CTLA4: variants seen among roughly 807,000 people sequenced by gnomAD.
CTLA4 encodes cytotoxic T-lymphocyte protein 4.
CTLA4 carries 3 observed loss-of-function variants against 20.4 expected under a neutral mutation model. The observed-to-expected ratio is 0.15, with a 90% CI of 0.07 to 0.38. The LOEUF is 0.38. Among genes scored for constraint, CTLA4 ranks in the 10% least tolerant of loss-of-function variants. The pLI is 1.00. For synonymous variants in CTLA4, 100 were observed against 105.2 expected, an observed-to-expected ratio of 0.95 and a Z score of 0.30; for missense variants, 184 against 276.8, an observed-to-expected ratio of 0.66 and a Z score of 2.38.
rs1326104443 is a variant in CTLA4, at chr2:203,872,286, A to T, written c.568-422A>T. Among the ~76,000 whole-genome samples the T allele has an allele frequency of 3.3e-5, 5 of 152,022 alleles. No homozygotes were observed. The East Asian group carries it at 9.6e-4, about 29-fold the overall frequency. On this transcript the variant is annotated intron_variant, in intron 3 of 3. Coordinates refer to ENST00000648405, the MANE Select transcript of CTLA4 (RefSeq NM_005214.5). ...ATACACAAAGATATACTCTATTCCA[A>T]CATCCTCTACCCAACCTGACAGAGA...
In CTLA4 at chr2:203,868,036, C is replaced by T. The variant is rs369567630; in HGVS notation, c.94C>T (p.Pro32Ser). The T allele has an allele frequency of 2.7e-5, 43 of 1,612,778 alleles. No homozygotes were observed. The highest frequency in any genetic ancestry group is 3.6e-5 in the Non-Finnish European group (43 of 1,178,850). ...CTLLFFLLFI[P>S]VFCKAMHVAQ... ...TCTCCTGTTTTTTCTTCTCTTCATC[C>T]CTGTCTTCTGCAAAGGTGAGTGAGA... Residue 32 changes from proline (P) to serine (S), a missense_variant, in exon 1 of 4, where the codon CCT (proline) becomes TCT (serine). Physicochemically the swap from Pro to Ser is moderately conservative, Grantham distance 74 (BLOSUM62 -1). Transcript: ENST00000648405.
At chr2:203,871,864 T>C (rs188456452) in intron 3 of CTLA4, among the ~76,000 whole-genome samples, 70 of 152,272 alleles carry the variant, frequency 4.6e-4, no homozygotes, top group African/African-American at 1.6e-3. Flanking sequence ...ACTTGGATGG[T>C]CTTTATTCTC....
chr2:203,873,300 G>C lies in CTLA4; in HGVS notation c.*488G>C, dbSNP rs1688766839. On this transcript the variant is annotated 3_prime_UTR_variant, in exon 4 of 4. Transcript: ENST00000648405. ...CTCACATGGCTATGTTTTAGCCAGTGATGCTAAAGGTTGTATTGCATATAT... is the reference window on the plus strand; with the variant it reads ...CTCACATGGCTATGTTTTAGCCAGTCATGCTAAAGGTTGTATTGCATATAT... 1 of 296,586 alleles carries C rather than the reference G, an allele frequency of 3.4e-6. No homozygotes were observed. The highest frequency in any genetic ancestry group is 5.9e-6 in the Non-Finnish European group (1 of 169,794). The allele number at this position is 296,586 out of a possible 1,614,324, so 18.4% of individuals were successfully genotyped here.
intron 3 of CTLA4, among the ~76,000 whole-genome samples, chr2:203,871,884 G>A (rs751989023): frequency 1.3e-5 from 2 of 152,152 alleles, no homozygotes; most frequent in African/African-American, 4.8e-5. Context: ...CCTTCTCCAT[G>A]TCCCTCTCCA....
At position 203,873,764 on chromosome 2, in the gene CTLA4, G is replaced by A. The variant is rs1688779759; in HGVS notation, c.*952G>A. On this transcript the variant is annotated 3_prime_UTR_variant, in exon 4 of 4. Transcript: ENST00000648405. Reference sequence around the variant, plus strand: ...ACCCACAGGTATGACCTTCTAGGAAGCTCCAGTTCGATGGGCCCAATTCTT... The same window carrying A: ...ACCCACAGGTATGACCTTCTAGGAAACTCCAGTTCGATGGGCCCAATTCTT... The A allele has an allele frequency of 4.4e-6, 1 of 225,858 alleles. No homozygotes were observed. Among genetic ancestry groups the A allele is most frequent in the South Asian group, 1.8e-4 (1 of 5,470 alleles). 14.0% of individuals were successfully genotyped at this position (225,858 alleles called of 1,614,324 possible). A position where few individuals can be genotyped will look rare whatever the true frequency, so the allele number is the denominator to read the frequency against.
intron 1 of CTLA4, among the ~76,000 whole-genome samples, chr2:203,869,930 C>T (rs1277641651): frequency 2.0e-5 from 3 of 152,122 alleles, no homozygotes; most frequent in African/African-American, 7.2e-5. Flanking sequence ...GAGGAAGCGA[C>T]CTGGTGCCCT....
At position 203,873,110 on chromosome 2, in the gene CTLA4, G is replaced by A; in HGVS notation, c.*298G>A. The stretch of plus-strand genomic sequence containing the variant: ...GGTCAAGGAATTAAGTTAGGGAATG[G>A]CACAGCCCAAAGAAGGAAAAGGCAG... On this transcript the variant is annotated 3_prime_UTR_variant, in exon 4 of 4. Coordinates refer to ENST00000648405, the MANE Select transcript of CTLA4 (RefSeq NM_005214.5). The A allele has an allele frequency of 1.9e-6, 1 of 522,140 alleles. No individual in the cohort carries two copies. The allele number at this position is 522,140 out of a possible 1,614,324, so 32.3% of individuals were successfully genotyped here.
Position 203,870,168 on chromosome 2 carries a change from A to G in CTLA4, c.110-418A>G. ...TACCACTCATTATAGTTCCGGAGCT[A>G]TATAGCTCCTATCATTCTATCATAA... On this transcript the variant is annotated intron_variant, in intron 1 of 3. Transcript: ENST00000648405. The surrounding 1 kb of genome is among the most constrained non-coding windows in gnomAD (Gnocchi z 5.3). 1 of 200,644 alleles carries G rather than the reference A, an allele frequency of 5.0e-6. No individual in the cohort carries two copies. The highest frequency in any genetic ancestry group is 1.0e-5 in the Non-Finnish European group (1 of 100,424). The allele number at this position is 200,644 out of a possible 1,614,324, so 12.4% of individuals were successfully genotyped here.
chr2:203,871,752 C>T (rs1688738174), intron 3 of CTLA4, among the ~76,000 whole-genome samples: 2 of 152,322 alleles, frequency 1.3e-5, no homozygotes, highest in African/African-American at 2.4e-5. Context: ...GTTGCAATAA[C>T]ATGGGGCAGC....
In CTLA4 at chr2:203,870,353, A is replaced by G; in HGVS notation, c.110-233A>G. ...TATCAGTGTTCTTCCTGCCACAACC[A>G]TCTTGAAGAATCTATTTCTCAGTAA... On this transcript the variant is annotated intron_variant, in intron 1 of 3. Transcript: ENST00000648405. The surrounding 1 kb of genome is among the most constrained non-coding windows in gnomAD (Gnocchi z 5.3). The G allele has an allele frequency of 1.8e-6, 1 of 561,816 alleles. No homozygotes were observed. Among genetic ancestry groups the G allele is most frequent in the East Asian group, 2.9e-5 (1 of 34,144 alleles). 34.8% of individuals were successfully genotyped at this position (561,816 alleles called of 1,614,324 possible).
Position 203,870,383 on chromosome 2 carries a change from A to C in CTLA4, c.110-203A>C. The C allele has an allele frequency of 1.7e-6, 1 of 586,544 alleles. No homozygotes were observed. Among genetic ancestry groups the C allele is most frequent in the Non-Finnish European group, 3.0e-6 (1 of 332,904 alleles). 36.3% of individuals were successfully genotyped at this position (586,544 alleles called of 1,614,324 possible). ...GAAGAATCTATTTCTCAGTAAGAAA[A>C]TATCTTTATGGAGAGTAGCTGGAAA... On this transcript the variant is annotated intron_variant, in intron 1 of 3. Coordinates refer to ENST00000648405, the MANE Select transcript of CTLA4 (RefSeq NM_005214.5). The surrounding 1 kb of genome is among the most constrained non-coding windows in gnomAD (Gnocchi z 5.3).
Position 203,870,447 on chromosome 2 carries a change from G to A in CTLA4, c.110-139G>A, listed in dbSNP as rs1688707960. On this transcript the variant is annotated intron_variant, in intron 1 of 3. Coordinates refer to ENST00000648405, the MANE Select transcript of CTLA4 (RefSeq NM_005214.5). The surrounding 1 kb of genome is among the most constrained non-coding windows in gnomAD (Gnocchi z 5.3). Reference sequence around the variant, plus strand: ...GGAGGGGAGGCTGGGGGTGTGGAGAGGGGAAGGGGTAAGTGATAGATTCGT... The same window carrying A: ...GGAGGGGAGGCTGGGGGTGTGGAGAAGGGAAGGGGTAAGTGATAGATTCGT... 3 of 779,562 alleles carry A rather than the reference G, an allele frequency of 3.8e-6. No homozygotes were observed. Among genetic ancestry groups the A allele is most frequent in the African/African-American group, 1.7e-5 (1 of 57,234 alleles). 48.3% of individuals were successfully genotyped at this position (779,562 alleles called of 1,614,324 possible).
chr2:203,873,909 C>T lies in CTLA4; in HGVS notation c.*1097C>T, dbSNP rs1688782021. On this transcript the variant is annotated 3_prime_UTR_variant, in exon 4 of 4. Transcript: ENST00000648405. ...TAACTCAATATTTTCCATGAAAATG[C>T]AACAACATGTATAATATTTTTAATT... 4.4e-6 allele frequency: 1 copy of T among 228,456 alleles called. No homozygotes were observed. Among genetic ancestry groups the T allele is most frequent in the South Asian group, 1.8e-4 (1 of 5,496 alleles). 14.2% of individuals were successfully genotyped at this position (228,456 alleles called of 1,614,324 possible).
Position 203,868,013 on chromosome 2 carries a change from T to A in CTLA4, c.71T>A (p.Leu24His). 1.2e-6 allele frequency: 2 copies of A among 1,614,058 alleles called. No individual in the cohort carries two copies. The highest frequency in any genetic ancestry group is 1.7e-6 in the Non-Finnish European group (2 of 1,179,926). The change falls in exon 1 of 4, where the codon CTC becomes CAC. Residue 24 changes from leucine to histidine, a missense_variant. Around this residue, in one of 3 missense-constraint regions of CTLA4, gnomAD observed 35 missense variants for 36.6 expected, o/e 0.96. Coordinates refer to ENST00000648405, the MANE Select transcript of CTLA4 (RefSeq NM_005214.5). ...GCTACCAGGACCTGGCCCTGCACTC[T>A]CCTGTTTTTTCTTCTCTTCATCCCT... ...NLATRTWPCTLLFFLLFIPVF... is the reference protein window; with the variant it reads ...NLATRTWPCTHLFFLLFIPVF...
intron 3 of CTLA4, among the ~76,000 whole-genome samples, chr2:203,871,729 A>C (rs923417413): frequency 6.6e-6 from 1 of 152,186 alleles, no homozygotes; most frequent in African/African-American, 2.4e-5. Flanking sequence ...GCAGGGTTTC[A>C]ATTTGAGTAA....
intron 1 of CTLA4, among the ~76,000 whole-genome samples, chr2:203,868,448 A>C (rs1310157067): frequency 6.6e-6 from 1 of 152,192 alleles, no homozygotes; most frequent in Non-Finnish European, 1.5e-5. Context: ...GACTTAAGCA[A>C]ATCCTGGGAA....
chr2:203,867,819 T>C lies in CTLA4; in HGVS notation c.-124T>C. ...TGTGTGCACATGTGTAATACATATC[T>C]GGGATCAAAGCTATCTATATAAAGT... On this transcript the variant is annotated 5_prime_UTR_variant, in exon 1 of 4. Coordinates refer to ENST00000648405, the MANE Select transcript of CTLA4 (RefSeq NM_005214.5). 1.6e-6 allele frequency: 1 copy of C among 641,736 alleles called. No homozygotes were observed. Among genetic ancestry groups the C allele is most frequent in the South Asian group, 2.0e-5 (1 of 50,064 alleles). 39.8% of individuals were successfully genotyped at this position (641,736 alleles called of 1,614,324 possible).
chr2:203,870,712 G>A lies in CTLA4; in HGVS notation c.236G>A (p.Ser79Asn), dbSNP rs754725143. The A allele has an allele frequency of 6.2e-7, 1 of 1,614,244 alleles. No individual in the cohort carries two copies. ...VRVTVLRQAD[S>N]QVTEVCAATY... ...GTGACAGTGCTTCGGCAGGCTGACA[G>A]CCAGGTGACTGAAGTCTGTGCGGCA... Residue 79 changes from serine to asparagine, a missense_variant, in exon 2 of 4, where the codon AGC becomes AAC. Ser to Asn is a conservative substitution (Grantham distance 46). Around this residue, in one of 3 missense-constraint regions of CTLA4, gnomAD observed 147 missense variants for 223.4 expected, o/e 0.66. Transcript: ENST00000648405. The surrounding 1 kb of genome is among the most constrained non-coding windows in gnomAD (Gnocchi z 5.3).
intron 3 of CTLA4, 34 bp downstream of exon 3, chr2:203,871,521 T>C: frequency 1.3e-6 from 2 of 1,501,706 alleles, no homozygotes; most frequent in African/African-American, 1.4e-5. Flanking sequence ...CCATGTCTGA[T>C]GGGGATACCT....
Sources: allele counts gnomAD v4.1 joint callset (sites outside exome capture counted in the v4.1 genomes callset), GRCh38; gene constraint gnomAD v4.1.1; regional missense constraint gnomAD v4.1.1; non-coding constraint Gnocchi (gnomAD v3.1); transcripts MANE v1.5; gene names NCBI Gene and HGNC (gene_info 2026-07-23, HGNC 2026-07-21).